GMDS: variants seen among roughly 807,000 people sequenced by gnomAD.
GMDS encodes GDP-mannose 4,6-dehydratase, also known as GDP-mannose 4,6 dehydratase.
GMDS carries 20 observed loss-of-function variants against 49.9 expected under a neutral mutation model. That is an observed-to-expected ratio of 0.40 (90% CI 0.28 to 0.58). The LOEUF (loss-of-function observed/expected upper bound fraction) is 0.58, where lower values mean the gene tolerates loss of function less well. Ranked by LOEUF, GMDS falls within the 20% of genes least tolerant of loss-of-function variation. GMDS has a pLI of 0.42. For synonymous variants in GMDS, 177 were observed against 178.6 expected, an observed-to-expected ratio of 0.99 and a Z score of 0.07; for missense variants, 362 against 481.4, an observed-to-expected ratio of 0.75 and a Z score of 2.32.
chr6:1,873,041 C>T (rs1430784160), intron 7 of GMDS, among the ~76,000 whole-genome samples: 1 of 152,244 alleles, frequency 6.6e-6, no homozygotes, highest in Non-Finnish European at 1.5e-5. Flanking sequence ...TCTGCGTGAA[C>T]TGTTTCACAG....
intron 7 of GMDS, among the ~76,000 whole-genome samples, chr6:1,769,774 C>T (rs1768505518): frequency 1.3e-5 from 2 of 151,892 alleles, no homozygotes; most frequent in Admixed American, 1.3e-4. Flanking sequence ...GTGATCTCCA[C>T]AACCAAAAAA....
At chr6:1,923,473 A>G (rs1761830230) in intron 7 of GMDS, among the ~76,000 whole-genome samples, 2 of 152,224 alleles carry the variant, frequency 1.3e-5, no homozygotes, top group Admixed American at 6.5e-5. Context: ...CCTGTGTACC[A>G]CAGCAACACT....
intron 4 of GMDS, among the ~76,000 whole-genome samples, chr6:2,109,986 G>A (rs1774452573): frequency 6.6e-6 from 1 of 152,126 alleles, no homozygotes. Flanking sequence ...GCTCCCCAGG[G>A]TCCAAAATAA....
At chr6:1,770,416 T>A (rs1768532723) in intron 7 of GMDS, among the ~76,000 whole-genome samples, 1 of 152,346 alleles carries the variant, frequency 6.6e-6, no homozygotes, top group African/African-American at 2.4e-5. Flanking sequence ...CAAGGAACTA[T>A]CGAATCTTGT....
intron 6 of GMDS, among the ~76,000 whole-genome samples, chr6:1,958,534 T>C (rs1363718548): frequency 6.6e-6 from 1 of 152,206 alleles, no homozygotes; most frequent in Non-Finnish European, 1.5e-5. Flanking sequence ...TGTGAATTTG[T>C]TTTCCTTTCA....
At chr6:1,891,240 C>T (rs1324500943) in intron 7 of GMDS, among the ~76,000 whole-genome samples, 1 of 152,162 alleles carries the variant, frequency 6.6e-6, no homozygotes, top group African/African-American at 2.4e-5. Context: ...GTCATTATAT[C>T]AAATCAAATC....
intron 2 of GMDS, among the ~76,000 whole-genome samples, chr6:2,118,618 T>C (rs757934881): frequency 5.9e-5 from 9 of 152,182 alleles, no homozygotes; most frequent in Non-Finnish European, 1.3e-4. Flanking sequence ...ACATGAGAAA[T>C]TGACTTCTGC....
chr6:1,686,658 T>C (rs1236748095), intron 9 of GMDS, among the ~76,000 whole-genome samples: 1 of 152,226 alleles, frequency 6.6e-6, no homozygotes, highest in East Asian at 1.9e-4. Context: ...GGAATGTACT[T>C]ATATGCAAAC....
intron 4 of GMDS, among the ~76,000 whole-genome samples, chr6:2,031,428 G>A (rs1768956291): frequency 6.6e-6 from 1 of 152,022 alleles, no homozygotes; most frequent in African/African-American, 2.4e-5. Flanking sequence ...TGGATAACAG[G>A]AGAGGAGAGA....
chr6:1,842,247 G>A (rs1048981050), intron 7 of GMDS, among the ~76,000 whole-genome samples: 5 of 152,192 alleles, frequency 3.3e-5, no homozygotes, highest in Non-Finnish European at 7.3e-5. Context: ...TGTAGTGGTC[G>A]TTACAGTCCC....
intron 4 of GMDS, among the ~76,000 whole-genome samples, chr6:1,994,336 T>C (rs1255778007): frequency 2.0e-5 from 3 of 152,186 alleles, no homozygotes; most frequent in African/African-American, 7.2e-5. Flanking sequence ...GCTACACTCT[T>C]AGGTGATATT....
At chr6:2,229,099 TGA>T (rs1780957078) in intron 1 of GMDS, among the ~76,000 whole-genome samples, 2 of 152,038 alleles carry the variant, frequency 1.3e-5, no homozygotes, top group Admixed American at 6.5e-5. Flanking sequence ...GCAGATGGGG[TGA>T]GAGAGGGCAT....
intron 4 of GMDS, among the ~76,000 whole-genome samples, chr6:2,084,180 C>T (rs1772874325): frequency 6.6e-6 from 1 of 152,178 alleles, no homozygotes; most frequent in Non-Finnish European, 1.5e-5. Context: ...CCTTTTCCTT[C>T]CTCCTCATAG....
intron 1 of GMDS, among the ~76,000 whole-genome samples, chr6:2,209,088 T>A (rs1779942768): frequency 6.6e-6 from 1 of 152,010 alleles, no homozygotes; most frequent in South Asian, 2.1e-4. Context: ...CATTGCAAAA[T>A]AAAAAAAGAA....
chr6:2,100,478 T>C (rs1012568958), intron 4 of GMDS, among the ~76,000 whole-genome samples: 1 of 152,092 alleles, frequency 6.6e-6, no homozygotes. Context: ...GATACCTCTA[T>C]ATGCAACCAA....
intron 6 of GMDS, chr6:1,949,039 C>T (rs889325729): frequency 1.0e-6 from 1 of 972,480 alleles, no homozygotes; most frequent in Non-Finnish European, 1.2e-6. Flanking sequence ...AACAGAGCTG[C>T]CTCCAACAGG....
chr6:1,693,033 T>C (rs1765227620), intron 9 of GMDS, among the ~76,000 whole-genome samples: 1 of 152,246 alleles, frequency 6.6e-6, no homozygotes, highest in Non-Finnish European at 1.5e-5. Context: ...GTTATGTTAC[T>C]TGGAAGCAGC....
chr6:1,961,512 G>T (rs1378073676), intron 4 of GMDS, among the ~76,000 whole-genome samples: 1 of 152,116 alleles, frequency 6.6e-6, no homozygotes, highest in Non-Finnish European at 1.5e-5. Flanking sequence ...GAGACACAGA[G>T]CATACAGCAA....
At position 1,933,593 on chromosome 6, in the gene GMDS, C is replaced by T. The variant is rs148410126; in HGVS notation, c.644-3363G>A. ...ACCGAGTGGTATCTTATTGTGGTTC[C>T]GATGTGTCCTTCTCAATAACTAATC... On this transcript the variant is annotated intron_variant, in intron 6 of 10. Coordinates refer to ENST00000380815, the MANE Select transcript of GMDS (RefSeq NM_001500.4). 3.3e-3 allele frequency among the ~76,000 whole-genome samples: 495 copies of T among 152,294 alleles called. 5 individuals carry two copies. Among genetic ancestry groups the T allele is most frequent in the African/African-American group, 0.01 (419 of 41,558 alleles).
Sources: gnomAD v4.1 joint callset for allele counts (sites outside exome capture counted in the v4.1 genomes callset) on GRCh38, gnomAD v4.1.1 for gene constraint, MANE v1.5 for transcripts, NCBI Gene and HGNC (gene_info 2026-07-23, HGNC 2026-07-21) for gene names.